The following GTF2IRD1 variants were observed in gnomAD, a reference collection of about 807,000 sequenced individuals.
The protein encoded by GTF2IRD1 is GTF2I repeat domain containing 1.
GTF2IRD1 carries 26 observed loss-of-function variants against 113.2 expected under a neutral mutation model. The observed-to-expected ratio is 0.23, with a 90% CI of 0.17 to 0.32. GTF2IRD1 has a LOEUF of 0.32. Ranked by LOEUF, GTF2IRD1 falls within the 10% of genes least tolerant of loss-of-function variation. The pLI is 1.00. For missense variants in GTF2IRD1, 864 were observed against 1,280.8 expected, an observed-to-expected ratio of 0.67 and a Z score of 4.97; for synonymous variants, 484 against 529.1, an observed-to-expected ratio of 0.91 and a Z score of 1.17.
At chr7:74,538,625 C>T (rs1798443992) in intron 12 of GTF2IRD1, 55 bp from the exon 13 acceptor site, 1 of 995,132 alleles carries the variant, frequency 1.0e-6, no homozygotes, top group African/African-American at 1.6e-5. Context: ...AAGAGTCACT[C>T]TGCCCAGTCG....
At chr7:74,544,405 C>G (rs1798807828) in intron 14 of GTF2IRD1, among the ~76,000 whole-genome samples, 1 of 152,178 alleles carries the variant, frequency 6.6e-6, no homozygotes, top group African/African-American at 2.4e-5. Context: ...AAGCTGGTCT[C>G]AAACTCCTGG....
At chr7:74,464,397 G>A (rs782679919) in intron 1 of GTF2IRD1, among the ~76,000 whole-genome samples, 3 of 150,756 alleles carry the variant, frequency 2.0e-5, no homozygotes, top group South Asian at 2.1e-4. Context: ...CATGTCTTGC[G>A]TGGGTGTCTT....
chr7:74,560,044 G>A (rs1799854689), intron 22 of GTF2IRD1, among the ~76,000 whole-genome samples: 1 of 152,212 alleles, frequency 6.6e-6, no homozygotes, highest in Non-Finnish European at 1.5e-5. Flanking sequence ...GCCTCCCAAA[G>A]CGTTGGGATT....
At chr7:74,468,444 G>C (rs1199994596) in intron 1 of GTF2IRD1, among the ~76,000 whole-genome samples, 1 of 151,654 alleles carries the variant, frequency 6.6e-6, no homozygotes, top group Non-Finnish European at 1.5e-5. Context: ...CAGATCACAA[G>C]GTCAGGAGTT....
chr7:74,472,912 G>A (rs1044968868), intron 1 of GTF2IRD1, among the ~76,000 whole-genome samples: 1 of 152,178 alleles, frequency 6.6e-6, no homozygotes, highest in Non-Finnish European at 1.5e-5. Flanking sequence ...CTGGTGGGAG[G>A]CTTTGCTGCA....
At chr7:74,528,803 G>GTCGGTGGGTGGA (rs1797766270) in intron 8 of GTF2IRD1, among the ~76,000 whole-genome samples, 1 of 51,348 alleles carries the variant, frequency 1.9e-5, no homozygotes, top group African/African-American at 8.4e-5. Context: ...GGGTGGGTGG[G>GTCGGTGGGTGGA]TGGATGGATG....
At chr7:74,524,227 G>A (rs1169809475) in intron 8 of GTF2IRD1, 73 bp downstream of exon 8, 15 of 1,015,684 alleles carry the variant, frequency 1.5e-5, no homozygotes, top group Non-Finnish European at 2.2e-5. Flanking sequence ...GCAATCACTC[G>A]TGTTCCCCAA....
intron 22 of GTF2IRD1, among the ~76,000 whole-genome samples, chr7:74,564,800 A>G (rs6956055): frequency 0.39 from 59,954 of 151,950 alleles, 13,241 homozygotes; most frequent in African/African-American, 0.6. Context: ...TTCCCAGCTG[A>G]GGACATCACG....
At chr7:74,550,934 T>TGAGGCGG in intron 17 of GTF2IRD1, among the ~76,000 whole-genome samples, 1 of 152,230 alleles carries the variant, frequency 6.6e-6, no homozygotes, top group East Asian at 1.9e-4. Context: ...CTTGGGAGGC[T>TGAGGCGG]GAGGCGGAAG....
At chr7:74,477,474 AG>A (rs1794493637) in intron 1 of GTF2IRD1, among the ~76,000 whole-genome samples, 2 of 146,910 alleles carry the variant, frequency 1.4e-5, no homozygotes, top group Admixed American at 1.4e-4. Flanking sequence ...GGAGTAGGTC[AG>A]GGCAGGTGGG....
rs189896182 is a variant in GTF2IRD1, at chr7:74,534,580, C to T, written c.1275-533C>T. 2.6e-4 allele frequency among the ~76,000 whole-genome samples: 40 copies of T among 152,014 alleles called. 1 individual carries two copies. The highest frequency in any genetic ancestry group is 8.7e-4 in the African/African-American group (36 of 41,418). On this transcript the variant is annotated intron_variant, in intron 9 of 26. Transcript: ENST00000424337. ...CAGGAAATTAGAATAGAACCAAAAA[C>T]GCCAGTCATGGGAGGCAGAGCTGGG...
intron 1 of GTF2IRD1, among the ~76,000 whole-genome samples, chr7:74,470,725 C>T (rs1794029881): frequency 1.3e-5 from 2 of 152,122 alleles, no homozygotes; most frequent in South Asian, 2.1e-4. Flanking sequence ...ACCACACCAC[C>T]ACGGGGAAAC....
chr7:74,600,069 A>G (rs184091813), intron 25 of GTF2IRD1, among the ~76,000 whole-genome samples: 8 of 152,284 alleles, frequency 5.3e-5, no homozygotes, highest in Admixed American at 5.2e-4. Context: ...CCAGCAGACA[A>G]TGTGCAAAGC....
chr7:74,504,799 C>CG (rs1796219082), intron 1 of GTF2IRD1, among the ~76,000 whole-genome samples: 1 of 150,892 alleles, frequency 6.6e-6, no homozygotes, highest in Non-Finnish European at 1.5e-5. Context: ...CCTCCACCGC[C>CG]GGGGTTCCAG....
At chr7:74,479,696 T>C (rs1794626151) in intron 1 of GTF2IRD1, among the ~76,000 whole-genome samples, 1 of 152,044 alleles carries the variant, frequency 6.6e-6, no homozygotes, top group Non-Finnish European at 1.5e-5. Context: ...TGCCACTTAT[T>C]TTTATCTTTC....
chr7:74,586,456 G>A (rs1226160443), intron 22 of GTF2IRD1, among the ~76,000 whole-genome samples: 7 of 152,238 alleles, frequency 4.6e-5, no homozygotes, highest in African/African-American at 7.2e-5. Flanking sequence ...AATGGCTGAT[G>A]TTTGCAGTGT....
At chr7:74,539,706 T>C (rs1798515170) in intron 13 of GTF2IRD1, among the ~76,000 whole-genome samples, 173 bp from the exon 14 acceptor site, 1 of 151,372 alleles carries the variant, frequency 6.6e-6, no homozygotes, top group African/African-American at 2.4e-5. Flanking sequence ...ATGGCGCCAC[T>C]GCACTCCTGC....
rs1011309724 is a variant in GTF2IRD1, at chr7:74,575,144, G to C, written c.2321-14707G>C. Among the ~76,000 whole-genome samples, 24 of 152,192 alleles carry C rather than the reference G, an allele frequency of 1.6e-4. 1 individual carries two copies. In the South Asian group the frequency reaches 4.8e-3, roughly 30 times the overall value. On this transcript the variant is annotated intron_variant, in intron 22 of 26. Transcript: ENST00000424337. ...CCTCACGGAGCCTACATGGTGGGGC[G>C]GGGGGATAAACAGAAAATCTGCAAA... is the stretch of plus-strand genomic sequence containing the variant.
intron 8 of GTF2IRD1, among the ~76,000 whole-genome samples, chr7:74,528,073 T>C (rs925422096): frequency 6.6e-6 from 1 of 152,200 alleles, no homozygotes; most frequent in African/African-American, 2.4e-5. Context: ...CACACACCTG[T>C]GCTCACCTGT....
Sources: allele counts gnomAD v4.1 joint callset (sites outside exome capture counted in the v4.1 genomes callset), GRCh38; gene constraint gnomAD v4.1.1; transcripts MANE v1.5; gene names NCBI Gene and HGNC (gene_info 2026-07-23, HGNC 2026-07-21).